AKAP6: variants seen among roughly 807,000 people sequenced by gnomAD.
The protein encoded by AKAP6 is A-kinase anchor protein 6.
Under a neutral mutation model 188.5 loss-of-function variants are expected in AKAP6, and 58 were observed. The ratio of observed to expected loss-of-function variants is 0.31; its 90% CI spans 0.25 to 0.38. The LOEUF (loss-of-function observed/expected upper bound fraction) is 0.38, where lower values mean the gene tolerates loss of function less well. Ranked by LOEUF, AKAP6 falls within the 10% of genes least tolerant of loss-of-function variation. The pLI is 1.00. For synonymous variants in AKAP6, 989 were observed against 998.6 expected (o/e 0.99, Z 0.18); for missense variants, 2,710 against 2,740.0 (o/e 0.99, Z 0.24).
chr14:32,805,667 A>C (rs1400306046), intron 12 of AKAP6, among the ~76,000 whole-genome samples: 1 of 152,236 alleles, frequency 6.6e-6, no homozygotes, highest in Non-Finnish European at 1.5e-5. Flanking sequence ...TGGAAATGCC[A>C]CTGGGGTCAA....
At chr14:32,558,882 T>C (rs1424975449) in intron 4 of AKAP6, among the ~76,000 whole-genome samples, 1 of 152,132 alleles carries the variant, frequency 6.6e-6, no homozygotes, top group African/African-American at 2.4e-5. Context: ...TTTGCTCGCA[T>C]CCCACTGGCC....
At chr14:32,641,051 T>A (rs1350985036) in intron 7 of AKAP6, among the ~76,000 whole-genome samples, 1 of 152,156 alleles carries the variant, frequency 6.6e-6, no homozygotes, top group East Asian at 1.9e-4. Context: ...GATACCATAT[T>A]TAATGAGACT....
At chr14:32,719,971 A>G (rs2030443716) in intron 9 of AKAP6, among the ~76,000 whole-genome samples, 1 of 152,184 alleles carries the variant, frequency 6.6e-6, no homozygotes, top group African/African-American at 2.4e-5. Context: ...TATATTTGAA[A>G]TGGCTGCTGC....
At chr14:32,729,860 C>T (rs2031086807) in intron 9 of AKAP6, among the ~76,000 whole-genome samples, 1 of 152,124 alleles carries the variant, frequency 6.6e-6, no homozygotes, top group African/African-American at 2.4e-5. Flanking sequence ...CATCCCCAGA[C>T]TACAGGACAC....
intron 1 of AKAP6, among the ~76,000 whole-genome samples, chr14:32,389,239 T>A (rs1288504905): frequency 5.3e-5 from 8 of 152,112 alleles, no homozygotes; most frequent in Non-Finnish European, 1.2e-4. Context: ...AGTCCTTATG[T>A]GTTAGGTGAG....
chr14:32,732,257 C>CTGTGTGTG (rs3830858), intron 9 of AKAP6, among the ~76,000 whole-genome samples, 197 bp from the exon 10 acceptor site: 2 of 150,018 alleles, frequency 1.3e-5, no homozygotes, highest in East Asian at 2.0e-4. Context: ...AATGTAATAA[C>CTGTGTGTG]TGTGTGTGTG....
intron 5 of AKAP6, among the ~76,000 whole-genome samples, chr14:32,590,402 C>T (rs1322956578): frequency 6.6e-6 from 1 of 152,112 alleles, no homozygotes; most frequent in Non-Finnish European, 1.5e-5. Flanking sequence ...GATTGCACAA[C>T]TGCACACCAG....
intron 11 of AKAP6, among the ~76,000 whole-genome samples, chr14:32,747,390 A>G (rs904087463): frequency 3.3e-5 from 5 of 152,238 alleles, no homozygotes; most frequent in African/African-American, 4.8e-5. Context: ...ACAGTAACTC[A>G]GTCTAACCAT....
At chr14:32,760,588 T>C (rs1178501687) in intron 11 of AKAP6, among the ~76,000 whole-genome samples, 4 of 152,202 alleles carry the variant, frequency 2.6e-5, no homozygotes, top group African/African-American at 9.6e-5. Flanking sequence ...TTAGATGGCA[T>C]AAATGAAAGT....
At chr14:32,519,108 A>G (rs1406787875) in intron 2 of AKAP6, among the ~76,000 whole-genome samples, 1 of 152,234 alleles carries the variant, frequency 6.6e-6, no homozygotes, top group Non-Finnish European at 1.5e-5. Flanking sequence ...TTCAGAAGTG[A>G]AGGAGAAATA....
intron 11 of AKAP6, among the ~76,000 whole-genome samples, chr14:32,767,561 G>A (rs2032756775): frequency 1.3e-5 from 2 of 151,940 alleles, no homozygotes; most frequent in Non-Finnish European, 2.9e-5. Context: ...ACATTTGGAT[G>A]GATAGATCAA....
intron 2 of AKAP6, among the ~76,000 whole-genome samples, chr14:32,444,391 G>C (rs1487714662): frequency 6.6e-6 from 1 of 152,006 alleles, no homozygotes; most frequent in Non-Finnish European, 1.5e-5. Context: ...TTGTCACTTG[G>C]TATTAGGGCT....
intron 7 of AKAP6, among the ~76,000 whole-genome samples, chr14:32,614,366 A>G (rs1306624249): frequency 6.6e-6 from 1 of 152,200 alleles, no homozygotes; most frequent in Admixed American, 6.5e-5. Context: ...TTGAAGATGA[A>G]ATCTCTGGAA....
At chr14:32,813,457 T>C (rs1477735867) in intron 12 of AKAP6, among the ~76,000 whole-genome samples, 1 of 132,780 alleles carries the variant, frequency 7.5e-6, no homozygotes, top group Non-Finnish European at 1.5e-5. Flanking sequence ...TCTAATCACT[T>C]GGTCTTTCTG....
intron 2 of AKAP6, among the ~76,000 whole-genome samples, chr14:32,486,513 C>T (rs1012547042): frequency 1.3e-5 from 2 of 152,202 alleles, no homozygotes; most frequent in African/African-American, 2.4e-5. Flanking sequence ...TTGTAGTTCT[C>T]CTTGAAGAGA....
intron 2 of AKAP6, among the ~76,000 whole-genome samples, chr14:32,440,957 A>T (rs1222750360): frequency 6.6e-6 from 1 of 152,134 alleles, no homozygotes; most frequent in Non-Finnish European, 1.5e-5. Flanking sequence ...ATTAAATAAT[A>T]AGGGCTCTAC....
At chr14:32,329,617 C>T (rs1388574312) in intron 1 of AKAP6, among the ~76,000 whole-genome samples, 1 of 152,090 alleles carries the variant, frequency 6.6e-6, no homozygotes. Context: ...ATTATTCTTG[C>T]TCCAGCTCTG....
intron 8 of AKAP6, among the ~76,000 whole-genome samples, chr14:32,679,518 T>C (rs1889582625): frequency 6.6e-6 from 1 of 152,160 alleles, no homozygotes; most frequent in African/African-American, 2.4e-5. Flanking sequence ...ATGCACTGGT[T>C]TGCATTTATT....
At chr14:32,509,236 T>C (rs1881044295) in intron 2 of AKAP6, among the ~76,000 whole-genome samples, 1 of 151,350 alleles carries the variant, frequency 6.6e-6, no homozygotes, top group African/African-American at 2.4e-5. Flanking sequence ...GCGATTCTCG[T>C]ACCTCAGCCT....
Sources: gnomAD v4.1 joint callset for allele counts (sites outside exome capture counted in the v4.1 genomes callset) on GRCh38, gnomAD v4.1.1 for gene constraint, MANE v1.5 for transcripts, NCBI Gene and HGNC (gene_info 2026-07-23, HGNC 2026-07-21) for gene names.